The following TENM2 variants were observed in gnomAD, a reference collection of about 807,000 sequenced individuals.
The protein encoded by TENM2 is teneurin transmembrane protein 2, also known as teneurin-2.
In TENM2, 52 loss-of-function variants were observed where a neutral mutation model predicts 245.2. The ratio of observed to expected loss-of-function variants is 0.21; its 90% CI spans 0.17 to 0.27. TENM2 has a LOEUF of 0.27. Among genes scored for constraint, TENM2 ranks in the 10% least tolerant of loss-of-function variants. TENM2 has a pLI of 1.00. For synonymous variants in TENM2, 1,363 were observed against 1,438.9 expected (o/e 0.95, Z 1.19); for missense variants, 3,046 against 3,666.8 (o/e 0.83, Z 4.37).
chr5:167,805,028 C>T (rs1766049993), intron 2 of TENM2, among the ~76,000 whole-genome samples: 1 of 152,082 alleles, frequency 6.6e-6, no homozygotes, highest in Non-Finnish European at 1.5e-5. Context: ...TGACTCTGCA[C>T]CTGGGAATGA....
chr5:167,822,812 A>G (rs1285845807), intron 2 of TENM2, among the ~76,000 whole-genome samples: 3 of 152,250 alleles, frequency 2.0e-5, no homozygotes, highest in African/African-American at 7.2e-5. Context: ...CATTTAGGCA[A>G]ATCGATTAAC....
chr5:167,164,262 A>G, the TENM2 span, among the ~76,000 whole-genome samples: 4 of 152,156 alleles, frequency 2.6e-5, no homozygotes, highest in Admixed American at 1.3e-4. Flanking sequence ...GAGCTGCTTT[A>G]CCTCTCAGAT....
At chr5:167,986,370 C>T (rs907211880) in intron 4 of TENM2, among the ~76,000 whole-genome samples, 65 of 152,210 alleles carry the variant, frequency 4.3e-4, no homozygotes, top group Admixed American at 3.9e-3. Context: ...GAGCTGAGAA[C>T]GCAGAACCTT....
At position 167,987,704 on chromosome 5, in the gene TENM2, T is replaced by G. The variant is rs2546956; in HGVS notation, c.948-5240T>G. On this transcript the variant is annotated intron_variant, in intron 4 of 28. Coordinates refer to ENST00000518659, the Ensembl canonical transcript of TENM2. ...CAGGATTTTGTACTGTTTTTAACAC[T>G]GAGTGCCGCGTTAAAAACAGTACAA... is the stretch of plus-strand genomic sequence containing the variant. Among the ~76,000 whole-genome samples the G allele has an allele frequency of 5.7e-3, 870 of 152,134 alleles. 9 individuals are homozygous for G. Among genetic ancestry groups the G allele is most frequent in the African/African-American group, 0.02 (818 of 41,524 alleles).
chr5:167,760,826 G>C (rs913431437), intron 2 of TENM2, among the ~76,000 whole-genome samples: 3 of 152,134 alleles, frequency 2.0e-5, no homozygotes, highest in African/African-American at 7.2e-5. Context: ...GCTAATTTTT[G>C]TATTTTTAGT....
chr5:167,361,556 C>T (rs1759719859), intron 1 of TENM2, among the ~76,000 whole-genome samples: 1 of 152,202 alleles, frequency 6.6e-6, no homozygotes, highest in East Asian at 1.9e-4. Flanking sequence ...CACTGTGTGG[C>T]AAATGATGGC....
chr5:167,147,542 TG>T, the TENM2 span, among the ~76,000 whole-genome samples: 2 of 152,156 alleles, frequency 1.3e-5, no homozygotes. Flanking sequence ...TGTATATAGG[TG>T]GCCAAATACC....
Position 168,244,670 on chromosome 5 carries a change from G to A in TENM2, c.5771G>A (p.Arg1924His), listed in dbSNP as rs530941736. Residue 1924 changes from arginine to histidine, a missense_variant, in exon 26 of 29, where the codon CGC becomes CAC. By Grantham distance (29) the Arg-to-His change is conservative (BLOSUM62 0). Coordinates refer to ENST00000518659, the Ensembl canonical transcript of TENM2. This position sits in a 1 kb window ranked among gnomAD's most constrained non-coding sequence, Gnocchi z 4.9. ...GACAAGCAAGGCCGCATCGTGTCCC[G>A]CATGTTCGCTGACGGGAAAGTGTGG... 59 of 1,500,900 alleles carry A rather than the reference G, an allele frequency of 3.9e-5. No homozygotes were observed. Among genetic ancestry groups the A allele is most frequent in the East Asian group, 3.1e-4 (13 of 41,446 alleles). The allele number at this position is 1,500,900 out of a possible 1,614,324, so 93.0% of individuals were successfully genotyped here.
intron 2 of TENM2, among the ~76,000 whole-genome samples, chr5:167,782,508 G>A (rs57694107): frequency 1.3e-5 from 2 of 152,018 alleles, no homozygotes; most frequent in South Asian, 4.1e-4. Context: ...GAGATGGGAA[G>A]ATGCTCTCAC....
intron 3 of TENM2, among the ~76,000 whole-genome samples, chr5:167,927,930 C>T (rs529721817): frequency 1.3e-5 from 2 of 152,054 alleles, no homozygotes; most frequent in Admixed American, 6.5e-5. Flanking sequence ...CATATGCCAA[C>T]GATGATAAAG....
rs192958026 is a variant in TENM2 at position 167,840,072 on chromosome 5, C to T, written c.503-35914C>T. Among the ~76,000 whole-genome samples the T allele has an allele frequency of 7.8e-3, 1,187 of 152,332 alleles. 12 individuals are homozygous for T. Among genetic ancestry groups the T allele is most frequent in the African/African-American group, 0.027 (1,115 of 41,590 alleles). The stretch of plus-strand genomic sequence containing the variant: ...CTGACTTCAGGTGATCCACCCGCCT[C>T]GGCCTCCCAAAGTGCTGGGATTACA... On this transcript the variant is annotated intron_variant, in intron 2 of 28. Coordinates refer to ENST00000518659, the Ensembl canonical transcript of TENM2.
chr5:167,109,646 A>G, the TENM2 span, among the ~76,000 whole-genome samples: 2 of 152,126 alleles, frequency 1.3e-5, no homozygotes, highest in Non-Finnish European at 2.9e-5. Flanking sequence ...TCCTAATGAT[A>G]AAAGTGAATG....
chr5:167,054,977 T>C, the TENM2 span, among the ~76,000 whole-genome samples: 7 of 152,134 alleles, frequency 4.6e-5, no homozygotes, highest in Non-Finnish European at 8.8e-5. Flanking sequence ...AGTCCGTGGC[T>C]TGTCTTCTCA....
At chr5:167,603,998 AGCTGCCTGCTGTAGTGGG>A in intron 2 of TENM2, among the ~76,000 whole-genome samples, 1 of 152,236 alleles carries the variant, frequency 6.6e-6, no homozygotes. Flanking sequence ...TTTAATAAAC[AGCTGCCTGCTGTAGTGGG>A]GCACATGTAT....
chr5:167,205,005 G>GC, the TENM2 span, among the ~76,000 whole-genome samples: 1 of 152,150 alleles, frequency 6.6e-6, no homozygotes, highest in East Asian at 1.9e-4. Context: ...TAATATATGT[G>GC]CCCCACTGGT....
At chr5:167,919,173 C>A (rs1162198536) in intron 3 of TENM2, among the ~76,000 whole-genome samples, 1 of 152,138 alleles carries the variant, frequency 6.6e-6, no homozygotes, top group African/African-American at 2.4e-5. Flanking sequence ...CCTAGCTTCT[C>A]CCTGGTATGG....
chr5:167,030,650 C>T, the TENM2 span, among the ~76,000 whole-genome samples: 1 of 152,156 alleles, frequency 6.6e-6, no homozygotes, highest in African/African-American at 2.4e-5. Context: ...TCCGTGTTTA[C>T]ATCTTCCTTT....
chr5:167,105,660 G>T, the TENM2 span, among the ~76,000 whole-genome samples: 1 of 151,374 alleles, frequency 6.6e-6, no homozygotes, highest in African/African-American at 2.4e-5. Flanking sequence ...AGGCCGAGGC[G>T]GGCGGATCAC....
At chr5:167,238,570 C>T in the TENM2 span, among the ~76,000 whole-genome samples, 39 of 151,992 alleles carry the variant, frequency 2.6e-4, no homozygotes, top group East Asian at 5.8e-4. Context: ...CTGAGATTTG[C>T]GGGACAAGCC....
Sources: gnomAD v4.1 joint callset for allele counts (sites outside exome capture counted in the v4.1 genomes callset) on GRCh38, gnomAD v4.1.1 for gene constraint, Gnocchi (gnomAD v3.1) non-coding constraint, MANE v1.5 for transcripts, NCBI Gene and HGNC (gene_info 2026-07-23, HGNC 2026-07-21) for gene names.